IPO11: variants seen among roughly 807,000 people sequenced by gnomAD.
IPO11 encodes importin-11.
A neutral mutation model predicts 143.2 loss-of-function variants in IPO11; 66 were observed. The observed-to-expected ratio is 0.46, with a 90% CI of 0.38 to 0.57. The LOEUF (loss-of-function observed/expected upper bound fraction) is 0.57. Among genes scored for constraint, IPO11 ranks in the 20% least tolerant of loss-of-function variants. IPO11 has a pLI of 0.00. For missense variants in IPO11, 1,026 were observed against 1,141.0 expected (o/e 0.90, Z 1.45); for synonymous variants, 385 against 377.8 (o/e 1.02, Z -0.22).
In IPO11 at chr5:62,560,043, G is replaced by A. The variant is rs541178465; in HGVS notation, c.2461-1093G>A. 4.6e-5 allele frequency among the ~76,000 whole-genome samples: 7 copies of A among 151,998 alleles called. No individual in the cohort carries two copies. The South Asian group carries it at 1.5e-3, about 32-fold the overall frequency. ...ACCCTCAGGTTTATTATATTTTATAGGGAATTGCTGTATGTGCTCTTGGCA... is the reference window on the plus strand; with the variant it reads ...ACCCTCAGGTTTATTATATTTTATAAGGAATTGCTGTATGTGCTCTTGGCA... On this transcript the variant is annotated intron_variant, in intron 26 of 29. Coordinates refer to ENST00000325324, the MANE Select transcript of IPO11 (RefSeq NM_016338.5).
chr5:62,568,537 G>A lies in IPO11; in HGVS notation c.2582+7280G>A, dbSNP rs1580334124. Among the ~76,000 whole-genome samples, 4 of 117,808 alleles carry A rather than the reference G, an allele frequency of 3.4e-5. No individual in the cohort carries two copies. The Admixed American group carries it at 3.5e-4, about 10-fold the overall frequency. 77.3% of individuals were successfully genotyped at this position (117,808 alleles called of 152,430 possible). On this transcript the variant is annotated intron_variant, in intron 27 of 29. Transcript: ENST00000325324. ...TGCAGTGGGTCGAGATTGTGCTACT[G>A]CACTCCAACCTGGGCGACAGAGCAA...
chr5:62,563,484 T>C (rs1412789814), intron 27 of IPO11, among the ~76,000 whole-genome samples: 1 of 152,148 alleles, frequency 6.6e-6, no homozygotes, highest in Non-Finnish European at 1.5e-5. Flanking sequence ...ATTATGTAAG[T>C]GTGTGGTTGT....
chr5:62,574,036 G>T (rs1282790504), intron 27 of IPO11, among the ~76,000 whole-genome samples: 1 of 152,146 alleles, frequency 6.6e-6, no homozygotes, highest in Non-Finnish European at 1.5e-5. Flanking sequence ...CCATTTTATT[G>T]TAGGACTTCT....
chr5:62,457,952 T>C (rs1745221058), intron 5 of IPO11, among the ~76,000 whole-genome samples: 1 of 151,882 alleles, frequency 6.6e-6, no homozygotes, highest in Non-Finnish European at 1.5e-5. Context: ...ATCGAGACCA[T>C]CCTGGCTAAC....
At chr5:62,478,247 C>A (rs974116642) in intron 9 of IPO11, among the ~76,000 whole-genome samples, 1 of 152,146 alleles carries the variant, frequency 6.6e-6, no homozygotes, top group Non-Finnish European at 1.5e-5. Flanking sequence ...CTCACTGCAG[C>A]CTCTGCCTTG....
intron 27 of IPO11, among the ~76,000 whole-genome samples, chr5:62,562,570 G>T (rs140183618): frequency 1.1e-3 from 168 of 152,308 alleles, no homozygotes; most frequent in African/African-American, 3.7e-3. Context: ...CGGAGCTCAG[G>T]CAGTAATGCT....
intron 5 of IPO11, among the ~76,000 whole-genome samples, chr5:62,461,744 T>C (rs1210416621): frequency 2.4e-4 from 36 of 152,238 alleles, no homozygotes; most frequent in Non-Finnish European, 1.5e-5. Context: ...AGGCATCTTA[T>C]GTGCTTTTCG....
rs182901227 is a variant in IPO11, at chr5:62,565,787, C to A, written c.2582+4530C>A. Among the ~76,000 whole-genome samples, 252 of 149,096 alleles carry A rather than the reference C, an allele frequency of 1.7e-3. 1 individual carries two copies. The highest frequency in any genetic ancestry group is 5.6e-3 in the African/African-American group (228 of 40,786). ...TCAACCTCCCCTCCCTCACCCCCTA[C>A]CCCCCCAACTGGCCCTGGTGTGTGT... On this transcript the variant is annotated intron_variant, in intron 27 of 29. Transcript: ENST00000325324.
Position 62,444,564 on chromosome 5 carries a change from A to G in IPO11, c.239+1481A>G, listed in dbSNP as rs76429472. ...AAATTCATTTTGTTTTAGTGGTTAT[A>G]TAAAGGATACAATTATAAATGCTTG... On this transcript the variant is annotated intron_variant, in intron 3 of 29. Coordinates refer to ENST00000325324, the MANE Select transcript of IPO11 (RefSeq NM_016338.5). 2.8e-3 allele frequency among the ~76,000 whole-genome samples: 421 copies of G among 152,130 alleles called. 7 individuals carry two copies. The highest frequency in any genetic ancestry group is 2.7e-3 in the East Asian group (14 of 5,184).
chr5:62,574,655 T>C (rs1248516746), intron 27 of IPO11, among the ~76,000 whole-genome samples: 1 of 152,180 alleles, frequency 6.6e-6, no homozygotes, highest in Non-Finnish European at 1.5e-5. Context: ...TTCTGTGCTT[T>C]GCAGTGTAAA....
At chr5:62,480,776 A>G (rs1469258667) in intron 9 of IPO11, among the ~76,000 whole-genome samples, 6 of 152,094 alleles carry the variant, frequency 3.9e-5, no homozygotes, top group Non-Finnish European at 8.8e-5. Flanking sequence ...ATTTTTGCAC[A>G]TTAATTTTGT....
Position 62,487,764 on chromosome 5 carries a change from T to G in IPO11, c.1219-7T>G, listed in dbSNP as rs1160895611. ...TTGATGAGAAATTTGTATTTTTCCC[T>G]CTCCAGCCATGCACTGAAGTATTAT... On this transcript the variant is annotated splice_region_variant and splice_polypyrimidine_tract_variant and intron_variant, in intron 12 of 29. Coordinates refer to ENST00000325324, the MANE Select transcript of IPO11 (RefSeq NM_016338.5). 2 of 1,557,018 alleles carry G rather than the reference T, an allele frequency of 1.3e-6. No homozygotes were observed. The highest frequency in any genetic ancestry group is 3.9e-5 in the Admixed American group (2 of 51,188).
At position 62,505,038 on chromosome 5, in the gene IPO11, AG is replaced by A. The variant is rs1176061023; in HGVS notation, c.1665+142del. The stretch of plus-strand genomic sequence containing the variant: ...AGTATGCTGTATTGGATTATTTTGG[AG>A]GACATAATTTTTATTTGTAAACTGT... On this transcript the variant is annotated intron_variant, in intron 18 of 29. Coordinates refer to ENST00000325324, the MANE Select transcript of IPO11 (RefSeq NM_016338.5). The A allele has an allele frequency of 6.5e-6, 3 of 460,882 alleles. No individual in the cohort carries two copies. The East Asian group carries it at 1.0e-4, about 16-fold the overall frequency. The allele number at this position is 460,882 out of a possible 1,614,324, so 28.5% of individuals were successfully genotyped here.
At chr5:62,516,837 A>G (rs972397218) in intron 20 of IPO11, among the ~76,000 whole-genome samples, 1 of 151,914 alleles carries the variant, frequency 6.6e-6, no homozygotes, top group Non-Finnish European at 1.5e-5. Context: ...AACTCTTTTT[A>G]TCTTGTAAAA....
intron 28 of IPO11, among the ~76,000 whole-genome samples, chr5:62,598,096 G>A (rs1183149541): frequency 1.1e-4 from 17 of 152,094 alleles, no homozygotes; most frequent in Non-Finnish European, 2.9e-5. Flanking sequence ...GGAAATCATT[G>A]CATTAGATGT....
chr5:62,414,154 C>A (rs890521962), intron 1 of IPO11, among the ~76,000 whole-genome samples: 1 of 152,102 alleles, frequency 6.6e-6, no homozygotes, highest in Non-Finnish European at 1.5e-5. Context: ...AGGTTTTAAA[C>A]AAATATGTAA....
chr5:62,508,603 C>G (rs925191457), intron 19 of IPO11, among the ~76,000 whole-genome samples: 1 of 150,336 alleles, frequency 6.7e-6, no homozygotes, highest in African/African-American at 2.5e-5. Flanking sequence ...TCCCTTTCTC[C>G]CTCCCTCCCT....
intron 1 of IPO11, among the ~76,000 whole-genome samples, chr5:62,417,805 A>T (rs193257019): frequency 2.0e-5 from 3 of 152,330 alleles, no homozygotes; most frequent in Admixed American, 6.5e-5. Flanking sequence ...AATACTTGAC[A>T]TTCATGTCAA....
intron 27 of IPO11, among the ~76,000 whole-genome samples, chr5:62,573,120 C>T (rs1332069429): frequency 6.6e-6 from 1 of 151,998 alleles, no homozygotes; most frequent in African/African-American, 2.4e-5. Flanking sequence ...GATCTCGGCT[C>T]ACTGCAAGCT....
Sources: gnomAD v4.1 joint callset for allele counts (sites outside exome capture counted in the v4.1 genomes callset) on GRCh38, gnomAD v4.1.1 for gene constraint, MANE v1.5 for transcripts, NCBI Gene and HGNC (gene_info 2026-07-23, HGNC 2026-07-21) for gene names.